Variants in EYS observed in about 807,000 individuals in gnomAD.
The protein encoded by EYS is EGF-like photoreceptor maintenance factor.
In EYS, 250 loss-of-function variants were observed where a neutral mutation model predicts 282.1. The ratio of observed to expected loss-of-function variants is 0.89; its 90% confidence interval spans 0.80 to 0.98. EYS has a LOEUF of 0.98. Ranked by LOEUF, EYS falls within the 50% of genes least tolerant of loss-of-function variation. The pLI is 0.00. For missense variants in EYS, 4,016 were observed against 3,709.0 expected (o/e 1.08, Z -2.15); for synonymous variants, 1,355 against 1,282.9 (o/e 1.06, Z -1.20).
At chr6:64,763,920 T>C (rs1773241710) in intron 22 of EYS, among the ~76,000 whole-genome samples, 1 of 152,294 alleles carries the variant, frequency 6.6e-6, no homozygotes, top group South Asian at 2.1e-4. Context: ...CCTCTGACTC[T>C]ATGTCTCACA....
At chr6:64,919,194 T>C (rs1194413746) in intron 15 of EYS, among the ~76,000 whole-genome samples, 1 of 151,976 alleles carries the variant, frequency 6.6e-6, no homozygotes, top group Non-Finnish European at 1.5e-5. Context: ...TATTTTGAGA[T>C]GGAGTCTCAC....
intron 19 of EYS, among the ~76,000 whole-genome samples, chr6:64,842,989 C>T (rs572042767): frequency 1.3e-5 from 2 of 152,220 alleles, no homozygotes; most frequent in African/African-American, 4.8e-5. Context: ...GAAATTGTCT[C>T]CAGGGCATGT....
intron 31 of EYS, among the ~76,000 whole-genome samples, chr6:64,116,931 A>G (rs112620557): frequency 0.019 from 2,932 of 152,164 alleles, 80 homozygotes; most frequent in African/African-American, 0.066. Flanking sequence ...AAAGCAAAAG[A>G]TCTGAGGGAA....
chr6:64,147,429 G>A (rs1403773430), intron 31 of EYS, among the ~76,000 whole-genome samples: 2 of 152,168 alleles, frequency 1.3e-5, no homozygotes, highest in African/African-American at 4.8e-5. Flanking sequence ...ACTTAGAACA[G>A]TTTATATATT....
At chr6:65,280,500 T>G (rs1768186585) in intron 12 of EYS, among the ~76,000 whole-genome samples, 1 of 152,176 alleles carries the variant, frequency 6.6e-6, no homozygotes, top group African/African-American at 2.4e-5. Context: ...AGAATGCTAG[T>G]TTCAAGCTAT....
At chr6:63,963,493 G>C (rs1766171881) in intron 35 of EYS, among the ~76,000 whole-genome samples, 1 of 152,192 alleles carries the variant, frequency 6.6e-6, no homozygotes, top group African/African-American at 2.4e-5. Context: ...TTGGTGGTAT[G>C]TGGCTTCAAG....
chr6:63,809,817 C>A (rs1770994469), intron 36 of EYS, among the ~76,000 whole-genome samples: 1 of 151,964 alleles, frequency 6.6e-6, no homozygotes, highest in Non-Finnish European at 1.5e-5. Flanking sequence ...CACTTCTTAG[C>A]AAAAGTTATC....
intron 2 of EYS, among the ~76,000 whole-genome samples, chr6:65,617,122 G>C (rs576668565): frequency 3.5e-4 from 54 of 152,194 alleles, no homozygotes; most frequent in Middle Eastern, 3.4e-3. Context: ...ATAATTTAAT[G>C]TGCTTGTTTC....
In EYS at chr6:64,027,702, G is replaced by GC. The variant is rs1202351001; in HGVS notation, c.6726-28520dup. Among the ~76,000 whole-genome samples, 3 of 152,136 alleles carry GC rather than the reference G, an allele frequency of 2.0e-5. No individual in the cohort carries two copies. In the South Asian group the frequency reaches 6.2e-4, roughly 31 times the overall value. On this transcript the variant is annotated intron_variant, in intron 33 of 42. Transcript: ENST00000503581. ...AAGATTGTCCAATGAGAAACAAGCT[G>GC]CCCCCCATCTATGTCCACTGTGCCG... is the stretch of plus-strand genomic sequence containing the variant.
intron 26 of EYS, among the ~76,000 whole-genome samples, chr6:64,450,367 A>C (rs1775283367): frequency 1.3e-5 from 2 of 152,312 alleles, no homozygotes; most frequent in African/African-American, 4.8e-5. Context: ...GCAAGTCCTT[A>C]GTTACCTACA....
chr6:64,527,089 T>C (rs1211535640), intron 26 of EYS, among the ~76,000 whole-genome samples: 5 of 151,784 alleles, frequency 3.3e-5, no homozygotes, highest in African/African-American at 9.7e-5. Flanking sequence ...TTTGAAGCCT[T>C]TTGCAGGAGA....
At chr6:64,870,454 A>G (rs527646223) in intron 19 of EYS, among the ~76,000 whole-genome samples, 3 of 149,484 alleles carry the variant, frequency 2.0e-5, no homozygotes. Context: ...AAAGCTGGGA[A>G]GTGGGAGAAT....
At chr6:64,972,293 C>G (rs963333856) in intron 14 of EYS, among the ~76,000 whole-genome samples, 1 of 152,104 alleles carries the variant, frequency 6.6e-6, no homozygotes, top group African/African-American at 2.4e-5. Context: ...AATACAGCTA[C>G]TGAAACTAAA....
chr6:63,831,668 G>T (rs1771642476), intron 36 of EYS, among the ~76,000 whole-genome samples: 1 of 152,198 alleles, frequency 6.6e-6, no homozygotes, highest in East Asian at 1.9e-4. Context: ...GAGACAGAAA[G>T]TTAACAAGGA....
intron 26 of EYS, among the ~76,000 whole-genome samples, chr6:64,565,601 C>A (rs1765541336): frequency 6.6e-6 from 1 of 151,860 alleles, no homozygotes; most frequent in Non-Finnish European, 1.5e-5. Flanking sequence ...TTGCCACAAG[C>A]TGGGAGGTAG....
intron 15 of EYS, among the ~76,000 whole-genome samples, chr6:64,943,722 G>GA (rs1769178001): frequency 6.6e-6 from 1 of 151,988 alleles, no homozygotes; most frequent in Admixed American, 6.6e-5. Context: ...ACAAACAAAT[G>GA]AAAAAATACC....
At chr6:64,968,393 G>A (rs1770172586) in intron 14 of EYS, among the ~76,000 whole-genome samples, 1 of 151,960 alleles carries the variant, frequency 6.6e-6, no homozygotes, top group Non-Finnish European at 1.5e-5. Flanking sequence ...TCAAATAAAT[G>A]TGTTATTCTT....
intron 1 of EYS, among the ~76,000 whole-genome samples, chr6:65,666,984 A>G (rs1457163977): frequency 1.3e-5 from 2 of 151,764 alleles, no homozygotes; most frequent in East Asian, 3.9e-4. Flanking sequence ...TGAATTGTTA[A>G]CTTAAATTCC....
At chr6:64,113,869 T>G (rs1181512883) in intron 31 of EYS, among the ~76,000 whole-genome samples, 1 of 152,188 alleles carries the variant, frequency 6.6e-6, no homozygotes, top group Non-Finnish European at 1.5e-5. Context: ...ACATCACGAG[T>G]TGGCAAGCAG....
Sources: gnomAD v4.1 joint callset for allele counts (sites outside exome capture counted in the v4.1 genomes callset) on GRCh38, gnomAD v4.1.1 for gene constraint, MANE v1.5 for transcripts, NCBI Gene and HGNC (gene_info 2026-07-23, HGNC 2026-07-21) for gene names.